The following ARL3 variants were observed in gnomAD, a reference collection of about 807,000 sequenced individuals.
ARL3 encodes ARF like GTPase 3, also known as ADP-ribosylation factor-like protein 3.
ARL3 carries 9 observed loss-of-function variants against 26.0 expected under a neutral mutation model. The ratio of observed to expected loss-of-function variants is 0.35; its 90% CI spans 0.21 to 0.60. ARL3 has a LOEUF of 0.60. Among genes scored for constraint, ARL3 ranks in the 20% least tolerant of loss-of-function variants. The probability of loss-of-function intolerance (pLI) is 0.78; values close to 1 mark genes in which losing one functional copy is unlikely to be tolerated. For missense variants in ARL3, 158 were observed against 215.7 expected, an observed-to-expected ratio of 0.73 and a Z score of 1.67; for synonymous variants, 71 against 78.4, an observed-to-expected ratio of 0.91 and a Z score of 0.50.
At position 102,708,908 on chromosome 10, in the gene ARL3, A is replaced by ATATATATATATATTT; in HGVS notation, c.4-3420_4-3419insAAATATATATATATA. On this transcript the variant is annotated intron_variant, in intron 1 of 5. Transcript: ENST00000260746. Reference sequence around the variant, plus strand: ...ATATTATATATATATATATATATATATTTTTTTTTTTTTTGAGACAAGGTC... The same window carrying ATATATATATATATTT: ...ATATTATATATATATATATATATATATATATATATATATTTTTTTTTTTTTTTTTGAGACAAGGTC... 9.2e-4 allele frequency among the ~76,000 whole-genome samples: 88 copies of ATATATATATATATTT among 95,276 alleles called. 2 individuals are homozygous for ATATATATATATATTT. Among genetic ancestry groups the ATATATATATATATTT allele is most frequent in the African/African-American group, 3.4e-3 (80 of 23,792 alleles). 62.5% of individuals were successfully genotyped at this position (95,276 alleles called of 152,430 possible). A position where few individuals can be genotyped will look rare whatever the true frequency, so the allele number is the denominator to read the frequency against.
At chr10:102,693,026 A>G (rs879814411) in intron 3 of ARL3, among the ~76,000 whole-genome samples, 1 of 152,150 alleles carries the variant, frequency 6.6e-6, no homozygotes, top group East Asian at 1.9e-4. Context: ...TTGATAGCTC[A>G]TGTATTTTTA....
intron 1 of ARL3, among the ~76,000 whole-genome samples, chr10:102,708,908 A>ATATATATTTTTTTTT: frequency 1.0e-5 from 1 of 95,348 alleles, no homozygotes. Flanking sequence ...ATATATATAT[A>ATATATATTTTTTTTT]TTTTTTTTTT....
intron 2 of ARL3, among the ~76,000 whole-genome samples, chr10:102,702,049 G>A (rs533111656): frequency 3.8e-4 from 57 of 151,446 alleles, no homozygotes; most frequent in Middle Eastern, 3.4e-3. Context: ...AAATTAGCTG[G>A]GTGTGGTGGC....
chr10:102,687,019 C>T (rs2064190921), intron 4 of ARL3, among the ~76,000 whole-genome samples: 2 of 150,984 alleles, frequency 1.3e-5, no homozygotes, highest in African/African-American at 4.9e-5. Flanking sequence ...GGATTACAGG[C>T]GCCCACCACC....
intron 2 of ARL3, among the ~76,000 whole-genome samples, chr10:102,702,341 G>A (rs2064284389): frequency 6.6e-6 from 1 of 151,982 alleles, no homozygotes; most frequent in Admixed American, 6.6e-5. Context: ...ATGTCTGACT[G>A]GGCATTATAG....
At chr10:102,708,877 AACCATATATTATATATAT>A (rs1208559499) in intron 1 of ARL3, among the ~76,000 whole-genome samples, 180 of 117,234 alleles carry the variant, frequency 1.5e-3, no homozygotes, top group African/African-American at 5.6e-3. Flanking sequence ...CAAAAAATAA[AACCATATATTATATATAT>A]ATATATATAT....
chr10:102,705,713 T>C (rs989107012), intron 1 of ARL3, among the ~76,000 whole-genome samples: 4 of 152,196 alleles, frequency 2.6e-5, no homozygotes, highest in Non-Finnish European at 5.9e-5. Context: ...TTATTTCTGC[T>C]CCTCCAATCA....
chr10:102,699,600 G>A lies in ARL3; in HGVS notation c.148-111C>T, dbSNP rs1374147974. On this transcript the variant is annotated intron_variant, in intron 2 of 5. Coordinates refer to ENST00000260746, the MANE Select transcript of ARL3 (RefSeq NM_004311.4). ...TTAATTCTAAAGTACTCTGCCATAT[G>A]TGATACTGGTAATGCTGAAAATGAT... 9.7e-6 allele frequency: 6 copies of A among 620,398 alleles called. No individual in the cohort carries two copies. In the East Asian group the frequency reaches 1.4e-4, roughly 14 times the overall value. The allele number at this position is 620,398 out of a possible 1,614,324, so 38.4% of individuals were successfully genotyped here. A position where few individuals can be genotyped will look rare whatever the true frequency, so the allele number is the denominator to read the frequency against.
intron 3 of ARL3, among the ~76,000 whole-genome samples, chr10:102,698,793 C>T (rs1347079111): frequency 1.3e-5 from 2 of 152,276 alleles, no homozygotes; most frequent in Admixed American, 6.5e-5. Flanking sequence ...TACTACTGGA[C>T]GATTGTAATT....
chr10:102,685,823 C>A lies in ARL3; in HGVS notation c.494G>T (p.Gly165Val). 1 of 1,608,846 alleles carries A rather than the reference C, an allele frequency of 6.2e-7. No individual in the cohort carries two copies. Among genetic ancestry groups the A allele is most frequent in the Non-Finnish European group, 8.5e-7 (1 of 1,177,696 alleles). ...GCCTTCCTGTAATCTCACCTGAACGCCCTCTCCTGTGAGAGCTGAGCAAGA... is the reference window on the plus strand; with the variant it reads ...GCCTTCCTGTAATCTCACCTGAACGACCTCTCCTGTGAGAGCTGAGCAAGA... ...IQSCSALTGE[G>V]VQDGMNWVCK... The change falls in exon 5 of 6, where the codon GGC (glycine) becomes GTC (valine). Residue 165 changes from glycine to valine, a missense_variant. Coordinates refer to ENST00000260746, the MANE Select transcript of ARL3 (RefSeq NM_004311.4).
chr10:102,676,021 G>A lies in ARL3; in HGVS notation c.*873C>T, dbSNP rs370434926. ...GGAGAAGCCAGCTAATCTCAGAGTC[G>A]GCTGCTCACTGCTCCACTGAGCTGG... is the stretch of plus-strand genomic sequence containing the variant. On this transcript the variant is annotated 3_prime_UTR_variant, in exon 6 of 6. Transcript: ENST00000260746. 11 of 152,672 alleles carry A rather than the reference G, an allele frequency of 7.2e-5. 1 individual carries two copies. In the East Asian group the frequency reaches 1.9e-3, roughly 27 times the overall value. 9.5% of individuals were successfully genotyped at this position (152,672 alleles called of 1,614,324 possible).
At position 102,676,795 on chromosome 10, in the gene ARL3, T is replaced by A. The variant is rs1236622035; in HGVS notation, c.*99A>T. The stretch of plus-strand genomic sequence containing the variant: ...CCCTCTCTTCAAACAGCTGGAGCTG[T>A]ACACAGATGGAAAAACATTTGGTCA... On this transcript the variant is annotated 3_prime_UTR_variant, in exon 6 of 6. Coordinates refer to ENST00000260746, the MANE Select transcript of ARL3 (RefSeq NM_004311.4). The A allele has an allele frequency of 2.3e-6, 3 of 1,289,232 alleles. No homozygotes were observed. The African/African-American group carries it at 4.4e-5, about 19-fold the overall frequency. 79.9% of individuals were successfully genotyped at this position (1,289,232 alleles called of 1,614,324 possible).
chr10:102,687,883 T>C (rs1279093215), intron 4 of ARL3, among the ~76,000 whole-genome samples: 1 of 152,124 alleles, frequency 6.6e-6, no homozygotes, highest in Admixed American at 6.6e-5. Flanking sequence ...GGTTTGAGAT[T>C]CAAAACTTAC....
In ARL3 at chr10:102,689,931, C is replaced by A; in HGVS notation, c.277G>T (p.Asp93Tyr). 6.3e-7 allele frequency: 1 copy of A among 1,595,862 alleles called. No homozygotes were observed. The highest frequency in any genetic ancestry group is 8.6e-7 in the Non-Finnish European group (1 of 1,169,402). Residue 93 changes from aspartate (D) to tyrosine (Y), a missense_variant, in exon 4 of 6, where the codon GAC (aspartate) becomes TAC (tyrosine). Coordinates refer to ENST00000260746, the MANE Select transcript of ARL3 (RefSeq NM_004311.4). ...ENTDILIYVI[D>Y]SADRKRFEET... Reference sequence around the variant, plus strand: ...TCAAATCTTTTTCTGTCTGCACTGTCGATTACATATATCTATAAAGGAAAA... The same window carrying A: ...TCAAATCTTTTTCTGTCTGCACTGTAGATTACATATATCTATAAAGGAAAA...
chr10:102,699,566 T>C (rs2064268103), intron 2 of ARL3, 77 bp from the exon 3 acceptor site: 4 of 776,746 alleles, frequency 5.1e-6, no homozygotes, highest in South Asian at 1.6e-5. Context: ...TTAATAGCTA[T>C]GTTTTTTATT....
At chr10:102,680,092 C>T (rs962181320) in intron 5 of ARL3, among the ~76,000 whole-genome samples, 19 of 152,162 alleles carry the variant, frequency 1.2e-4, no homozygotes, top group Admixed American at 2.0e-4. Context: ...TACAGGCGCC[C>T]GCCACCATGC....
At chr10:102,694,151 C>T (rs2064235138) in intron 3 of ARL3, among the ~76,000 whole-genome samples, 2 of 152,186 alleles carry the variant, frequency 1.3e-5, no homozygotes, top group Admixed American at 1.3e-4. Context: ...CCGCGCCCGG[C>T]TAATTTTTTT....
intron 4 of ARL3, 62 bp from the exon 5 acceptor site, chr10:102,686,063 A>G: frequency 7.4e-7 from 1 of 1,343,086 alleles, no homozygotes; most frequent in Non-Finnish European, 1.0e-6. Flanking sequence ...ATATTTAACC[A>G]TACACTACTT....
chr10:102,710,817 A>G (rs981516176), intron 1 of ARL3, among the ~76,000 whole-genome samples: 7 of 152,216 alleles, frequency 4.6e-5, no homozygotes, highest in Non-Finnish European at 8.8e-5. Context: ...CTACAGTCAA[A>G]TCATGAATAG....
Sources: gnomAD v4.1 joint callset for allele counts (sites outside exome capture counted in the v4.1 genomes callset) on GRCh38, gnomAD v4.1.1 for gene constraint, MANE v1.5 for transcripts, NCBI Gene and HGNC (gene_info 2026-07-23, HGNC 2026-07-21) for gene names.